The following ADAMTS16 variants were observed in gnomAD, a reference collection of about 807,000 sequenced individuals.
ADAMTS16 encodes the protein A disintegrin and metalloproteinase with thrombospondin motifs 16.
Under a neutral mutation model 145.8 loss-of-function variants are expected in ADAMTS16, and 94 were observed. That is an observed-to-expected ratio of 0.64 (90% confidence interval 0.55 to 0.77). The LOEUF (loss-of-function observed/expected upper bound fraction) is 0.77, where lower values mean the gene tolerates loss of function less well. Ranked by LOEUF, ADAMTS16 falls within the 30% of genes least tolerant of loss-of-function variation. The probability of loss-of-function intolerance (pLI) is 0.00; values close to 1 mark genes in which losing one functional copy is unlikely to be tolerated. For synonymous variants in ADAMTS16, 659 were observed against 604.3 expected, an observed-to-expected ratio of 1.09 and a Z score of -1.33; for missense variants, 1,585 against 1,591.5, an observed-to-expected ratio of 1.00 and a Z score of 0.07.
chr5:5,304,847 A>C (rs1269488345), intron 20 of ADAMTS16, among the ~76,000 whole-genome samples: 1 of 152,042 alleles, frequency 6.6e-6, no homozygotes, highest in African/African-American at 2.4e-5. Flanking sequence ...CCCTGGGTGC[A>C]TATCCCTAGA....
chr5:5,217,738 G>A (rs541359823), intron 10 of ADAMTS16, among the ~76,000 whole-genome samples: 1 of 152,186 alleles, frequency 6.6e-6, no homozygotes, highest in Non-Finnish European at 1.5e-5. Flanking sequence ...AAAGAGAGAG[G>A]CTTCATTAAA....
At chr5:5,246,827 G>A (rs1737458360) in intron 17 of ADAMTS16, among the ~76,000 whole-genome samples, 1 of 152,174 alleles carries the variant, frequency 6.6e-6, no homozygotes, top group Non-Finnish European at 1.5e-5. Context: ...AAGGACAGAT[G>A]GTATATACTT....
rs544318266 is a variant in ADAMTS16 at position 5,152,951 on chromosome 5, A to G, written c.501+6496A>G. Among the ~76,000 whole-genome samples, 4 of 152,340 alleles carry G rather than the reference A, an allele frequency of 2.6e-5. No homozygotes were observed. In the South Asian group the frequency reaches 8.3e-4, roughly 32 times the overall value. On this transcript the variant is annotated intron_variant, in intron 3 of 22. Coordinates refer to ENST00000274181, the MANE Select transcript of ADAMTS16 (RefSeq NM_139056.4). ...CTATTATTAACATATTTTACAGATTATGATCCAAGACCACTTTATTATCCC... is the reference window on the plus strand; with the variant it reads ...CTATTATTAACATATTTTACAGATTGTGATCCAAGACCACTTTATTATCCC...
intron 8 of ADAMTS16, among the ~76,000 whole-genome samples, chr5:5,198,877 A>G (rs979648354): frequency 6.6e-6 from 1 of 152,096 alleles, no homozygotes; most frequent in Non-Finnish European, 1.5e-5. Flanking sequence ...TGGCAGCATA[A>G]TGTCCCACAT....
At chr5:5,237,906 G>C (rs1737156131) in intron 14 of ADAMTS16, among the ~76,000 whole-genome samples, 1 of 152,162 alleles carries the variant, frequency 6.6e-6, no homozygotes, top group Non-Finnish European at 1.5e-5. Context: ...ACCAAGTGAA[G>C]GTGTTAGCAG....
At chr5:5,251,493 G>C (rs756062910) in intron 17 of ADAMTS16, among the ~76,000 whole-genome samples, 1 of 152,196 alleles carries the variant, frequency 6.6e-6, no homozygotes, top group African/African-American at 2.4e-5. Context: ...TTTTTATGGA[G>C]AGTGTTTCAA....
Position 5,148,848 on chromosome 5 carries a change from C to T in ADAMTS16, c.501+2393C>T, listed in dbSNP as rs115080636. Reference sequence around the variant, plus strand: ...AGGCAGGACACAGGCAAGTCCCTTACGGGGGAGGAAACGGGGACAGGCATG... The same window carrying T: ...AGGCAGGACACAGGCAAGTCCCTTATGGGGGAGGAAACGGGGACAGGCATG... On this transcript the variant is annotated intron_variant, in intron 3 of 22. Transcript: ENST00000274181. Among the ~76,000 whole-genome samples the T allele has an allele frequency of 5.1e-3, 783 of 152,218 alleles. 5 individuals carry two copies. The highest frequency in any genetic ancestry group is 0.018 in the African/African-American group (737 of 41,528).
At chr5:5,213,843 C>G (rs1736341955) in intron 10 of ADAMTS16, among the ~76,000 whole-genome samples, 1 of 152,230 alleles carries the variant, frequency 6.6e-6, no homozygotes, top group South Asian at 2.1e-4. Flanking sequence ...TCTGCTAGGA[C>G]ACCTGGAATC....
intron 18 of ADAMTS16, among the ~76,000 whole-genome samples, chr5:5,293,345 G>A (rs767219535): frequency 2.0e-5 from 3 of 152,162 alleles, no homozygotes; most frequent in Non-Finnish European, 4.4e-5. Context: ...AAAATATTCA[G>A]TGGGCAAAGT....
At chr5:5,199,311 T>C (rs983373100) in intron 8 of ADAMTS16, among the ~76,000 whole-genome samples, 2 of 152,218 alleles carry the variant, frequency 1.3e-5, no homozygotes, top group Admixed American at 1.3e-4. Context: ...ACACCTCTGA[T>C]GGCCCCCATT....
chr5:5,220,055 G>A (rs1196482697), intron 10 of ADAMTS16, among the ~76,000 whole-genome samples: 2 of 151,960 alleles, frequency 1.3e-5, no homozygotes, highest in African/African-American at 2.4e-5. Flanking sequence ...TTTCACAGGA[G>A]CAAATGACTA....
chr5:5,182,421 G>A, intron 4 of ADAMTS16, 116 bp downstream of exon 4: 1 of 1,354,076 alleles, frequency 7.4e-7, no homozygotes, highest in Non-Finnish European at 1.0e-6. Context: ...TCTATGGACT[G>A]TCGTTGCTAA....
At position 5,235,074 on chromosome 5, in the gene ADAMTS16, T is replaced by C. The variant is rs1398153011; in HGVS notation, c.1911T>C (p.Ser637=). 4 of 1,605,042 alleles carry C rather than the reference T, an allele frequency of 2.5e-6. No homozygotes were observed. Among genetic ancestry groups the C allele is most frequent in the Non-Finnish European group, 3.4e-6 (4 of 1,172,816 alleles). The change falls in exon 13 of 23, where the codon AGT becomes AGC. Residue 637 remains serine (S), a synonymous_variant. Coordinates refer to ENST00000274181, the MANE Select transcript of ADAMTS16 (RefSeq NM_139056.4). ...GSTRTLKLCN[S]QKCPRDSVDF... ...CTCGCACTCTGAAGCTCTGCAACAG[T>C]CAGAAATGTCCCCGGGACAGTGTTG...
chr5:5,212,044 GT>G (rs1186602047), intron 10 of ADAMTS16, among the ~76,000 whole-genome samples: 2 of 151,878 alleles, frequency 1.3e-5, no homozygotes, highest in African/African-American at 4.8e-5. Context: ...AGAAATAACT[GT>G]TTTTTAAATA....
At chr5:5,283,060 T>G (rs1304850467) in intron 18 of ADAMTS16, among the ~76,000 whole-genome samples, 2 of 152,156 alleles carry the variant, frequency 1.3e-5, no homozygotes, top group African/African-American at 4.8e-5. Context: ...TCATATATTT[T>G]AATATCATAA....
At chr5:5,147,475 A>G (rs895011799) in intron 3 of ADAMTS16, among the ~76,000 whole-genome samples, 2 of 152,258 alleles carry the variant, frequency 1.3e-5, no homozygotes, top group African/African-American at 4.8e-5. Context: ...CCAATTTCTT[A>G]AAATACTAAA....
chr5:5,230,276 A>G (rs780375501), intron 11 of ADAMTS16, among the ~76,000 whole-genome samples: 3 of 152,238 alleles, frequency 2.0e-5, no homozygotes, highest in Non-Finnish European at 4.4e-5. Context: ...GAAGCATGTC[A>G]GCTGAATGCA....
At chr5:5,312,272 G>A (rs547552296) in intron 21 of ADAMTS16, among the ~76,000 whole-genome samples, 1 of 152,168 alleles carries the variant, frequency 6.6e-6, no homozygotes, top group South Asian at 2.1e-4. Flanking sequence ...TCCCCCAAAA[G>A]TATTCCAGTT....
At chr5:5,252,726 T>C (rs180970237) in intron 17 of ADAMTS16, among the ~76,000 whole-genome samples, 23 of 152,132 alleles carry the variant, frequency 1.5e-4, no homozygotes, top group African/African-American at 5.3e-4. Flanking sequence ...CTGCAATAGG[T>C]TCCATATGTT....
Sources: gnomAD v4.1 joint callset for allele counts (sites outside exome capture counted in the v4.1 genomes callset) on GRCh38, gnomAD v4.1.1 for gene constraint, MANE v1.5 for transcripts, NCBI Gene and HGNC (gene_info 2026-07-23, HGNC 2026-07-21) for gene names.